Variants in PTPRG observed in about 807,000 individuals in gnomAD.
PTPRG encodes protein tyrosine phosphatase receptor type G, also known as receptor-type tyrosine-protein phosphatase gamma.
A neutral mutation model predicts 165.3 loss-of-function variants in PTPRG; 102 were observed. That is an observed-to-expected ratio of 0.62 (90% CI 0.53 to 0.73). The LOEUF is 0.73. PTPRG is among the 30% of genes least tolerant of loss of function. The pLI is 0.00. For synonymous variants in PTPRG, 675 were observed against 669.5 expected, an observed-to-expected ratio of 1.01 and a Z score of -0.13; for missense variants, 1,866 against 1,861.4, an observed-to-expected ratio of 1.00 and a Z score of -0.05.
intron 2 of PTPRG, among the ~76,000 whole-genome samples, chr3:61,781,676 A>C (rs115626307): frequency 6.6e-6 from 1 of 152,104 alleles, no homozygotes; most frequent in African/African-American, 2.4e-5. Flanking sequence ...TAGACAGTTG[A>C]TTTTTCAATT....
intron 1 of PTPRG, among the ~76,000 whole-genome samples, chr3:61,610,148 T>C (rs1426406928): frequency 6.6e-6 from 1 of 151,272 alleles, no homozygotes; most frequent in Non-Finnish European, 1.5e-5. Context: ...GTGCCTCAGT[T>C]TCCTAATCTG....
intron 1 of PTPRG, among the ~76,000 whole-genome samples, chr3:61,726,377 G>T (rs1338740086): frequency 6.6e-6 from 1 of 152,048 alleles, no homozygotes; most frequent in Non-Finnish European, 1.5e-5. Context: ...CATAGGATTT[G>T]GTTGTTAGAG....
chr3:61,893,064 T>A (rs1311853744), intron 2 of PTPRG, among the ~76,000 whole-genome samples: 1 of 152,200 alleles, frequency 6.6e-6, no homozygotes, highest in Non-Finnish European at 1.5e-5. Flanking sequence ...GTTATCTTGA[T>A]GGGTGGCACG....
intron 16 of PTPRG, among the ~76,000 whole-genome samples, chr3:62,257,214 T>G (rs1010097465): frequency 2.0e-5 from 3 of 152,128 alleles, no homozygotes; most frequent in Admixed American, 1.3e-4. Flanking sequence ...AGGTGAAAAT[T>G]TGAAGTACTT....
intron 1 of PTPRG, among the ~76,000 whole-genome samples, chr3:61,745,054 T>C (rs1378136582): frequency 1.4e-5 from 2 of 144,842 alleles, no homozygotes; most frequent in African/African-American, 5.1e-5. Flanking sequence ...TCCCTCACTT[T>C]TTTTTTTTTT....
intron 2 of PTPRG, among the ~76,000 whole-genome samples, chr3:61,767,971 CAAAAAAAAAAA>C (rs35466366): frequency 4.8e-5 from 5 of 104,186 alleles, no homozygotes; most frequent in African/African-American, 1.8e-4. Context: ...GACCCTGTCT[CAAAAAAAAAAA>C]AAAAAAAAAA....
intron 2 of PTPRG, among the ~76,000 whole-genome samples, chr3:61,970,764 C>T (rs1329812612): frequency 1.3e-5 from 2 of 152,022 alleles, no homozygotes. Flanking sequence ...GAACTTGGTA[C>T]ATCTGCAGTG....
chr3:61,954,297 A>G (rs1234538620), intron 2 of PTPRG, among the ~76,000 whole-genome samples: 2 of 152,138 alleles, frequency 1.3e-5, no homozygotes, highest in Admixed American at 6.6e-5. Context: ...GTGCTGGGAA[A>G]TGTGTTAGTG....
chr3:62,036,969 G>T (rs550102416), intron 4 of PTPRG, among the ~76,000 whole-genome samples: 4 of 117,132 alleles, frequency 3.4e-5, no homozygotes, highest in African/African-American at 1.4e-4. Context: ...AGTGCTGCAC[G>T]TGCGCGCGCG....
At chr3:61,708,541 G>A (rs1434679612) in intron 1 of PTPRG, among the ~76,000 whole-genome samples, 1 of 139,502 alleles carries the variant, frequency 7.2e-6, no homozygotes. Flanking sequence ...GGCAAGCTGT[G>A]CCCCCTGGGT....
At chr3:61,657,194 G>A (rs1197145355) in intron 1 of PTPRG, among the ~76,000 whole-genome samples, 1 of 152,118 alleles carries the variant, frequency 6.6e-6, no homozygotes, top group Admixed American at 6.6e-5. Context: ...GAGCCAGCAA[G>A]GCTTGTTTTG....
chr3:61,873,549 C>A (rs1286989206), intron 2 of PTPRG, among the ~76,000 whole-genome samples: 1 of 152,032 alleles, frequency 6.6e-6, no homozygotes, highest in Non-Finnish European at 1.5e-5. Flanking sequence ...TTTTAGATAG[C>A]TGTCGGAAAA....
chr3:61,713,875 G>T (rs1315032211), intron 1 of PTPRG, among the ~76,000 whole-genome samples: 1 of 152,150 alleles, frequency 6.6e-6, no homozygotes. Context: ...AATTGCATGG[G>T]TGATTTAAAT....
chr3:61,693,267 A>G (rs1239424893), intron 1 of PTPRG, among the ~76,000 whole-genome samples: 2 of 152,214 alleles, frequency 1.3e-5, no homozygotes, highest in Non-Finnish European at 2.9e-5. Flanking sequence ...AATGACTTTT[A>G]TGTTCCCATT....
chr3:61,570,352 G>A (rs1700027627), intron 1 of PTPRG, among the ~76,000 whole-genome samples: 1 of 151,832 alleles, frequency 6.6e-6, no homozygotes, highest in African/African-American at 2.4e-5. Flanking sequence ...CTATTTTTGG[G>A]GAGTAGCAAA....
At chr3:62,122,222 C>T (rs1703101386) in intron 5 of PTPRG, among the ~76,000 whole-genome samples, 1 of 152,148 alleles carries the variant, frequency 6.6e-6, no homozygotes, top group Non-Finnish European at 1.5e-5. Context: ...AAACAGTTTT[C>T]ACTAGTTTGT....
chr3:62,114,040 C>T (rs950140849), intron 5 of PTPRG, among the ~76,000 whole-genome samples: 27 of 152,266 alleles, frequency 1.8e-4, no homozygotes, highest in African/African-American at 5.8e-4. Flanking sequence ...GGCTCGCACC[C>T]GTAATGCCAG....
intron 5 of PTPRG, 36 bp downstream of exon 5, chr3:62,078,294 C>A: frequency 7.0e-7 from 1 of 1,421,874 alleles, no homozygotes; most frequent in East Asian, 2.3e-5. Context: ...TCAAAGAATT[C>A]TTTGAGTATT....
At chr3:61,678,476 A>T (rs917937186) in intron 1 of PTPRG, among the ~76,000 whole-genome samples, 2 of 152,146 alleles carry the variant, frequency 1.3e-5, no homozygotes, top group Non-Finnish European at 2.9e-5. Context: ...GAACAACCTG[A>T]TGGTATCTCC....
Sources: allele counts gnomAD v4.1 joint callset (sites outside exome capture counted in the v4.1 genomes callset), GRCh38; gene constraint gnomAD v4.1.1; transcripts MANE v1.5; gene names NCBI Gene and HGNC (gene_info 2026-07-23, HGNC 2026-07-21).